The following EPN2 variants were observed in gnomAD, a reference collection of about 807,000 sequenced individuals.
The protein encoded by EPN2 is epsin-2.
EPN2 carries 34 observed loss-of-function variants against 61.7 expected under a neutral mutation model. The ratio of observed to expected loss-of-function variants is 0.55; its 90% CI spans 0.42 to 0.73. The LOEUF is 0.73. Ranked by LOEUF, EPN2 falls within the 30% of genes least tolerant of loss-of-function variation. The pLI, the probability that EPN2 is intolerant of heterozygous loss-of-function variation, is 0.00. For missense variants in EPN2, 714 were observed against 839.2 expected (o/e 0.85, Z 1.84); for synonymous variants, 349 against 353.6 (o/e 0.99, Z 0.15).
chr17:19,325,025 T>TA (rs895487108), intron 7 of EPN2, among the ~76,000 whole-genome samples: 1 of 152,020 alleles, frequency 6.6e-6, no homozygotes, highest in African/African-American at 2.4e-5. Context: ...TGGATAAAAT[T>TA]AAAAAGGAAA....
At chr17:19,316,874 A>T (rs1232108976) in intron 7 of EPN2, among the ~76,000 whole-genome samples, 1 of 152,044 alleles carries the variant, frequency 6.6e-6, no homozygotes, top group Non-Finnish European at 1.5e-5. Context: ...TTCTTTTCTC[A>T]GTGGTGGTGT....
chr17:19,294,676 C>A (rs1437540156), intron 4 of EPN2, among the ~76,000 whole-genome samples: 1 of 152,094 alleles, frequency 6.6e-6, no homozygotes, highest in Non-Finnish European at 1.5e-5. Context: ...TTGACAGTTG[C>A]CTTTTCTTTT....
intron 4 of EPN2, chr17:19,308,282 C>T (rs1905947638): frequency 1.3e-6 from 1 of 786,450 alleles, no homozygotes. Context: ...CCATTTTGGC[C>T]AGGCTTGTCT....
intron 1 of EPN2, among the ~76,000 whole-genome samples, chr17:19,257,525 T>C (rs1226971756): frequency 4.7e-5 from 7 of 147,504 alleles, no homozygotes; most frequent in Non-Finnish European, 9.1e-5. Flanking sequence ...CTCTCTCTCT[T>C]TTTTTTTTTT....
At chr17:19,267,673 G>C (rs774583456) in intron 1 of EPN2, among the ~76,000 whole-genome samples, 13 of 151,944 alleles carry the variant, frequency 8.6e-5, no homozygotes, top group South Asian at 2.1e-4. Flanking sequence ...CTCCTGAGTA[G>C]CTGGGATTAC....
intron 10 of EPN2, among the ~76,000 whole-genome samples, chr17:19,333,099 C>T (rs1262781321): frequency 6.6e-6 from 1 of 152,198 alleles, no homozygotes; most frequent in Non-Finnish European, 1.5e-5. Flanking sequence ...AGGTGGTTCC[C>T]TGGGTGGAAC....
At chr17:19,255,996 G>A (rs1262742969) in intron 1 of EPN2, among the ~76,000 whole-genome samples, 1 of 151,734 alleles carries the variant, frequency 6.6e-6, no homozygotes, top group East Asian at 1.9e-4. Flanking sequence ...GGAGTGCAGG[G>A]GCGCGATCTC....
Position 19,328,845 on chromosome 17 carries a change from G to A in EPN2, c.1282G>A (p.Ala428Thr), listed in dbSNP as rs749136889. 13 of 1,613,138 alleles carry A rather than the reference G, an allele frequency of 8.1e-6. No individual in the cohort carries two copies. The Admixed American group carries it at 1.0e-4, about 12-fold the overall frequency. ...ASSAGKRASD[A>T]WGAVSTTKPV... is the part of the protein sequence containing the mutation. ...CAGTGCTGGGAAAAGAGCTTCTGAC[G>A]CGTGGGGCGCAGTCTCCACCACCAA... The change falls in exon 8 of 11, where the codon GCG becomes ACG. Residue 428 changes from alanine (A) to threonine (T), a missense_variant. Ala to Thr is a moderately conservative substitution (Grantham distance 58). Coordinates refer to ENST00000314728, the MANE Select transcript of EPN2 (RefSeq NM_014964.5).
Position 19,248,607 on chromosome 17 carries a change from A to G in EPN2, c.-294+11076A>G, listed in dbSNP as rs1171965868. The G allele has an allele frequency of 2.0e-5, 3 of 152,200 alleles. No individual in the cohort carries two copies. In the East Asian group the frequency reaches 5.8e-4, roughly 29 times the overall value. The allele number at this position is 152,200 out of a possible 1,614,324, so 9.4% of individuals were successfully genotyped here. On this transcript the variant is annotated intron_variant, in intron 1 of 10. Transcript: ENST00000314728. Reference sequence around the variant, plus strand: ...TACAGTTAATGCATGTCACAGTGTCATTGTAATATATGGTATTTCAGTCAA... The same window carrying G: ...TACAGTTAATGCATGTCACAGTGTCGTTGTAATATATGGTATTTCAGTCAA...
intron 7 of EPN2, among the ~76,000 whole-genome samples, chr17:19,322,128 A>G (rs527936476): frequency 1.3e-5 from 2 of 152,288 alleles, no homozygotes; most frequent in African/African-American, 4.8e-5. Context: ...CTGGAAGACG[A>G]GGAGTGAAGT....
At chr17:19,310,571 C>CTTT (rs71155391) in intron 5 of EPN2, among the ~76,000 whole-genome samples, 6,567 of 80,748 alleles carry the variant, frequency 0.081, 1,288 homozygotes, top group African/African-American at 0.18. Flanking sequence ...CTCCTTCTTT[C>CTTT]TTTTTTTTTT....
intron 1 of EPN2, among the ~76,000 whole-genome samples, chr17:19,249,807 G>T (rs1245340284): frequency 3.3e-5 from 5 of 152,176 alleles, no homozygotes; most frequent in Non-Finnish European, 7.3e-5. Flanking sequence ...TCCGACACAG[G>T]TCTTAATGGG....
chr17:19,295,261 T>A (rs2045503594), intron 4 of EPN2, among the ~76,000 whole-genome samples: 1 of 152,054 alleles, frequency 6.6e-6, no homozygotes, highest in Non-Finnish European at 1.5e-5. Context: ...AATAAGCCTC[T>A]CTTCTCCTCT....
chr17:19,298,955 T>A (rs995945466), intron 4 of EPN2, among the ~76,000 whole-genome samples: 1 of 152,220 alleles, frequency 6.6e-6, no homozygotes, highest in African/African-American at 2.4e-5. Flanking sequence ...TTTCTTTTTT[T>A]AAGGATTCTT....
At chr17:19,243,220 CTTT>C (rs71155386) in intron 1 of EPN2, among the ~76,000 whole-genome samples, 2 of 127,140 alleles carry the variant, frequency 1.6e-5, no homozygotes, top group Non-Finnish European at 1.6e-5. Flanking sequence ...GAGAATGTGT[CTTT>C]TTTTTTTTTT....
intron 1 of EPN2, among the ~76,000 whole-genome samples, chr17:19,266,606 G>T (rs1199696235): frequency 6.6e-6 from 1 of 151,788 alleles, no homozygotes; most frequent in African/African-American, 2.4e-5. Context: ...GTTTCACTGT[G>T]TTAGCCAGGA....
intron 1 of EPN2, among the ~76,000 whole-genome samples, chr17:19,268,571 C>T (rs1231565655): frequency 6.6e-6 from 1 of 152,044 alleles, no homozygotes; most frequent in Non-Finnish European, 1.5e-5. Flanking sequence ...ATAAATCAGG[C>T]AAAAATATTT....
chr17:19,281,524 A>G (rs2045358847), intron 1 of EPN2, among the ~76,000 whole-genome samples: 1 of 151,870 alleles, frequency 6.6e-6, no homozygotes, highest in Non-Finnish European at 1.5e-5. Flanking sequence ...TGATGTGCCC[A>G]TTACCCATCT....
At chr17:19,319,779 C>G (rs1340635062) in intron 7 of EPN2, among the ~76,000 whole-genome samples, 1 of 152,176 alleles carries the variant, frequency 6.6e-6, no homozygotes, top group Non-Finnish European at 1.5e-5. Flanking sequence ...TCCCAAGTAG[C>G]TGGGACTGCA....
Sources: gnomAD v4.1 joint callset for allele counts (sites outside exome capture counted in the v4.1 genomes callset) on GRCh38, gnomAD v4.1.1 for gene constraint, MANE v1.5 for transcripts, NCBI Gene and HGNC (gene_info 2026-07-23, HGNC 2026-07-21) for gene names.